The following ZNF483 variants were observed in gnomAD, a reference collection of about 807,000 sequenced individuals.
ZNF483 encodes the protein zinc finger protein HIT-10.
ZNF483 carries 9 observed loss-of-function variants against 28.6 expected under a neutral mutation model. That is an observed-to-expected ratio of 0.32 (90% CI 0.19 to 0.55). ZNF483 has a LOEUF of 0.55. Among genes scored for constraint, ZNF483 ranks in the 20% least tolerant of loss-of-function variants. The probability of loss-of-function intolerance (pLI) is 0.93; values close to 1 mark genes in which losing one functional copy is unlikely to be tolerated. For missense variants in ZNF483, 675 were observed against 871.7 expected (o/e 0.77, Z 2.84); for synonymous variants, 322 against 306.2 (o/e 1.05, Z -0.54).
In ZNF483 at chr9:111,545,829, A is replaced by G. The variant is rs889901874; in HGVS notation, c.*2659A>G. Among the ~76,000 whole-genome samples, 2 of 152,214 alleles carry G rather than the reference A, an allele frequency of 1.3e-5. No individual in the cohort carries two copies. Among genetic ancestry groups the G allele is most frequent in the African/African-American group, 2.4e-5 (1 of 41,462 alleles). ...TTTCCAGTTTTTGCCTGTTAGGAAT[A>G]ATGCTGCTTTGAACATTGGTATGCA... On this transcript the variant is annotated 3_prime_UTR_variant, in exon 6 of 6. Coordinates refer to ENST00000309235, the MANE Select transcript of ZNF483 (RefSeq NM_133464.5).
intron 5 of ZNF483, among the ~76,000 whole-genome samples, chr9:111,566,313 G>T (rs1828560384): frequency 6.6e-6 from 1 of 152,218 alleles, no homozygotes; most frequent in Admixed American, 6.5e-5. Flanking sequence ...GTTGTCAACT[G>T]TGATCACAGA....
At chr9:111,537,826 C>G (rs959088941) in intron 5 of ZNF483, among the ~76,000 whole-genome samples, 27 of 152,148 alleles carry the variant, frequency 1.8e-4, no homozygotes, top group African/African-American at 6.3e-4. Context: ...AGAGTTTTGT[C>G]ATGTTGTTCA....
chr9:111,566,366 G>A (rs1182288476), intron 5 of ZNF483, among the ~76,000 whole-genome samples: 3 of 152,162 alleles, frequency 2.0e-5, no homozygotes, highest in Non-Finnish European at 2.9e-5. Flanking sequence ...CTTAGATTCA[G>A]CTCCCTGGTG....
intron 5 of ZNF483, among the ~76,000 whole-genome samples, chr9:111,534,944 T>A (rs1360658497): frequency 6.6e-6 from 1 of 152,082 alleles, no homozygotes; most frequent in East Asian, 1.9e-4. Context: ...AGGCTAGTCT[T>A]GAACTCCTGA....
rs1346816995 is a variant in ZNF483 at position 111,545,974 on chromosome 9, C to T, written c.*2804C>T. Among the ~76,000 whole-genome samples the T allele has an allele frequency of 6.6e-6, 1 of 152,152 alleles. No individual in the cohort carries two copies. Among genetic ancestry groups the T allele is most frequent in the Non-Finnish European group, 1.5e-5 (1 of 68,020 alleles). The stretch of plus-strand genomic sequence containing the variant: ...ATTTTCATTTAACTTTTTTAGGAAA[C>T]TGCCAAATTGTTTTCCAAAGTGACC... On this transcript the variant is annotated 3_prime_UTR_variant, in exon 6 of 6. Transcript: ENST00000309235.
At chr9:111,570,993 A>G (rs1427702111) in intron 5 of ZNF483, among the ~76,000 whole-genome samples, 1 of 152,196 alleles carries the variant, frequency 6.6e-6, no homozygotes, top group Non-Finnish European at 1.5e-5. Flanking sequence ...GGAAGGGGCC[A>G]CATGCCAAGA....
At position 111,527,814 on chromosome 9, in the gene ZNF483, T is replaced by C; in HGVS notation, c.412+7T>C. On this transcript the variant is annotated splice_region_variant and intron_variant, in intron 2 of 5. Coordinates refer to ENST00000309235, the MANE Select transcript of ZNF483 (RefSeq NM_133464.5). ...CAGATGCTTGAAGAAAAAGGTGAGA[T>C]TTATAGATGGAGGGAGGAAGCGGGA... 6.2e-7 allele frequency: 1 copy of C among 1,613,898 alleles called. No homozygotes were observed. The highest frequency in any genetic ancestry group is 8.5e-7 in the Non-Finnish European group (1 of 1,179,984).
chr9:111,534,216 A>G (rs1827421415), intron 4 of ZNF483, 45 bp from the exon 5 acceptor site: 1 of 1,506,658 alleles, frequency 6.6e-7, no homozygotes, highest in East Asian at 2.3e-5. Flanking sequence ...GGATATCTTT[A>G]CTCTATGCAA....
intron 3 of ZNF483, among the ~76,000 whole-genome samples, chr9:111,532,180 A>G (rs1827364392): frequency 6.6e-6 from 1 of 152,088 alleles, no homozygotes; most frequent in South Asian, 2.1e-4. Context: ...GCATAGTCAC[A>G]TACCTGTGGT....
intron 5 of ZNF483, among the ~76,000 whole-genome samples, chr9:111,573,784 T>G (rs1014816825): frequency 2.0e-5 from 3 of 152,144 alleles, no homozygotes; most frequent in Non-Finnish European, 4.4e-5. Flanking sequence ...CTCACAGGAC[T>G]GGGATTTAAT....
rs528250253 is a variant in ZNF483, at chr9:111,545,088, C to G, written c.*1918C>G. The stretch of plus-strand genomic sequence containing the variant: ...AGAAGGTTTTTGGTGCCTCCCCAAC[C>G]CCAAGCCTGCAGTTTAAATATTGCC... On this transcript the variant is annotated 3_prime_UTR_variant, in exon 6 of 6. Transcript: ENST00000309235. Among the ~76,000 whole-genome samples, 5 of 152,252 alleles carry G rather than the reference C, an allele frequency of 3.3e-5. No individual in the cohort carries two copies. The highest frequency in any genetic ancestry group is 9.6e-5 in the African/African-American group (4 of 41,568).
At chr9:111,562,910 T>A in intron 5 of ZNF483, 1 of 1,336,382 alleles carries the variant, frequency 7.5e-7, no homozygotes, top group Non-Finnish European at 9.7e-7. Flanking sequence ...GAAGCTGTAG[T>A]GAACAGTGAG....
At chr9:111,571,367 C>T (rs1828812540) in intron 5 of ZNF483, among the ~76,000 whole-genome samples, 1 of 149,668 alleles carries the variant, frequency 6.7e-6, no homozygotes, top group South Asian at 2.2e-4. Flanking sequence ...TGAGATTGCA[C>T]CACTCCACTC....
rs1000913972 is a variant in ZNF483, at chr9:111,553,177, A to G, written c.*10007A>G. Among the ~76,000 whole-genome samples, 4 of 152,220 alleles carry G rather than the reference A, an allele frequency of 2.6e-5. No individual in the cohort carries two copies. Among genetic ancestry groups the G allele is most frequent in the Admixed American group, 6.5e-5 (1 of 15,276 alleles). On this transcript the variant is annotated 3_prime_UTR_variant, in exon 6 of 6. Coordinates refer to ENST00000309235, the MANE Select transcript of ZNF483 (RefSeq NM_133464.5). ...TTGTCTTAAGTATTATCTACTATGT[A>G]TCTTTAACACTTTTGAATAGAACAA...
In ZNF483 at chr9:111,528,165, G is replaced by C. The variant is rs1297682593; in HGVS notation, c.412+358G>C. The C allele has an allele frequency of 6.3e-6, 5 of 787,972 alleles. No homozygotes were observed. In the East Asian group the frequency reaches 1.5e-4, roughly 23 times the overall value. 48.8% of individuals were successfully genotyped at this position (787,972 alleles called of 1,614,324 possible). ...TTTGGAGTCACAGGCAAATCAACCA[G>C]CTCAGGCCCTAATGCCTAGTTCCAT... is the stretch of plus-strand genomic sequence containing the variant. On this transcript the variant is annotated intron_variant, in intron 2 of 5. Coordinates refer to ENST00000309235, the MANE Select transcript of ZNF483 (RefSeq NM_133464.5).
At chr9:111,557,189 C>T (rs558695237), downstream of ZNF483, among the ~76,000 whole-genome samples, 10 of 152,004 alleles carry the variant, frequency 6.6e-5, no homozygotes, top group Non-Finnish European at 1.5e-4. Context: ...GAATGGCTAA[C>T]GGGGTGAAAC....
intron 5 of ZNF483, among the ~76,000 whole-genome samples, chr9:111,572,046 G>A (rs1828841396): frequency 6.6e-6 from 1 of 152,334 alleles, no homozygotes; most frequent in African/African-American, 2.4e-5. Flanking sequence ...GTTCCAGGAA[G>A]TCAGGCGAAG....
At chr9:111,541,446 C>T (rs937412900) in intron 5 of ZNF483, among the ~76,000 whole-genome samples, 3 of 152,176 alleles carry the variant, frequency 2.0e-5, no homozygotes, top group African/African-American at 7.2e-5. Flanking sequence ...CTATAAAGCA[C>T]AAACTTTTCA....
At chr9:111,563,499 C>A (rs1204477026) in intron 5 of ZNF483, 3 of 264,268 alleles carry the variant, frequency 1.1e-5, no homozygotes, top group African/African-American at 4.5e-5. Context: ...TAAGCAATCT[C>A]TTTTTCTTTC....
Sources: allele counts gnomAD v4.1 joint callset (sites outside exome capture counted in the v4.1 genomes callset), GRCh38; gene constraint gnomAD v4.1.1; transcripts MANE v1.5; gene names NCBI Gene and HGNC (gene_info 2026-07-23, HGNC 2026-07-21).